Variants in TMEM131 observed in about 807,000 individuals in gnomAD.
The protein encoded by TMEM131 is 2610524E03Rik.
Under a neutral mutation model 211.6 loss-of-function variants are expected in TMEM131, and 66 were observed. That is an observed-to-expected ratio of 0.31 (90% CI 0.26 to 0.38). The LOEUF is 0.38. Among genes scored for constraint, TMEM131 ranks in the 10% least tolerant of loss-of-function variants. The pLI, the probability that TMEM131 is intolerant of heterozygous loss-of-function variation, is 1.00. For synonymous variants in TMEM131, 844 were observed against 841.3 expected (o/e 1.00, Z -0.06); for missense variants, 2,036 against 2,299.3 (o/e 0.89, Z 2.34).
chr2:97,766,283 G>T lies in TMEM131; in HGVS notation c.4574-20C>A. 3.7e-6 allele frequency: 6 copies of T among 1,613,888 alleles called. No individual in the cohort carries two copies. The highest frequency in any genetic ancestry group is 1.1e-5 in the South Asian group (1 of 91,044). On this transcript the variant is annotated intron_variant, in intron 34 of 40. Coordinates refer to ENST00000186436, the MANE Select transcript of TMEM131 (RefSeq NM_015348.2). Reference sequence around the variant, plus strand: ...TTGTACCTGCACAAAAATCAGAAAAGAACATGGTTAATGGAGAATCATTCC... The same window carrying T: ...TTGTACCTGCACAAAAATCAGAAAATAACATGGTTAATGGAGAATCATTCC...
chr2:97,965,384 A>G (rs1207067838), intron 1 of TMEM131, among the ~76,000 whole-genome samples: 1 of 152,166 alleles, frequency 6.6e-6, no homozygotes, highest in Non-Finnish European at 1.5e-5. Flanking sequence ...GGCTGTGAGC[A>G]AGCCTCTGAC....
chr2:97,807,832 C>CAAA (rs1553600116), intron 19 of TMEM131, among the ~76,000 whole-genome samples: 2 of 54,522 alleles, frequency 3.7e-5, no homozygotes, highest in African/African-American at 2.4e-4. Flanking sequence ...GGATAAATAA[C>CAAA]GAAGAGTTTA....
At position 97,833,370 on chromosome 2, in the gene TMEM131, T is replaced by C; in HGVS notation, c.1069A>G (p.Ile357Val). 2 of 1,289,500 alleles carry C rather than the reference T, an allele frequency of 1.6e-6. No individual in the cohort carries two copies. Among genetic ancestry groups the C allele is most frequent in the South Asian group, 1.3e-5 (1 of 74,704 alleles). The allele number at this position is 1,289,500 out of a possible 1,614,324, so 79.9% of individuals were successfully genotyped here. ...LLNSGTKDVP[I>V]TSVRPTPQND... ...AAAAAGAAGTAAAAACTTACTGTTA[T>C]TGGTACATCTTTTGTTCCTGAATTT... The change falls in exon 11 of 41, where the codon ATA becomes GTA. Residue 357 changes from isoleucine (I) to valine (V), a missense_variant. By Grantham distance (29) the Ile-to-Val change is conservative. Coordinates refer to ENST00000186436, the MANE Select transcript of TMEM131 (RefSeq NM_015348.2).
At chr2:97,944,915 C>A (rs1677961468) in intron 1 of TMEM131, among the ~76,000 whole-genome samples, 1 of 152,056 alleles carries the variant, frequency 6.6e-6, no homozygotes, top group Non-Finnish European at 1.5e-5. Flanking sequence ...ATTAAAAAAA[C>A]TAAATATAAA....
intron 4 of TMEM131, among the ~76,000 whole-genome samples, chr2:97,865,511 GT>G (rs1178961485): frequency 1.3e-5 from 2 of 152,076 alleles, no homozygotes; most frequent in African/African-American, 2.4e-5. Flanking sequence ...TATCTCAAAT[GT>G]TTTTTCTGTG....
At chr2:97,904,798 CTTT>C (rs74265071) in intron 3 of TMEM131, among the ~76,000 whole-genome samples, 1 of 138,852 alleles carries the variant, frequency 7.2e-6, no homozygotes, top group Admixed American at 7.2e-5. Context: ...GGCTATAGTT[CTTT>C]TTTTTTTTTT....
intron 1 of TMEM131, among the ~76,000 whole-genome samples, chr2:97,984,389 T>C (rs899810745): frequency 2.6e-5 from 4 of 152,108 alleles, no homozygotes; most frequent in African/African-American, 9.7e-5. Context: ...AACTGATGTC[T>C]CAGTCCATTT....
At chr2:97,988,767 G>A (rs896187442) in intron 1 of TMEM131, among the ~76,000 whole-genome samples, 2 of 152,160 alleles carry the variant, frequency 1.3e-5, no homozygotes, top group Non-Finnish European at 2.9e-5. Flanking sequence ...AAAAACAACT[G>A]TTGGCAAGGG....
chr2:97,949,949 C>G (rs570047878), intron 1 of TMEM131, among the ~76,000 whole-genome samples: 1 of 152,156 alleles, frequency 6.6e-6, no homozygotes, highest in South Asian at 2.1e-4. Context: ...ACATGAAGGC[C>G]TTACTCCAAA....
At chr2:97,760,713 A>G in intron 37 of TMEM131, 24 bp from the exon 38 acceptor site, 1 of 1,614,002 alleles carries the variant, frequency 6.2e-7, no homozygotes. Flanking sequence ...CGTTCAATCA[A>G]TGGAAGGCAC....
In TMEM131 at chr2:97,928,928, A is replaced by G. The variant is rs78379854; in HGVS notation, c.188-1441T>C. ...ATATACATTATTACATACATATAAG[A>G]ATATTTATAGATGTGTATATTCATA... On this transcript the variant is annotated intron_variant, in intron 1 of 40. Coordinates refer to ENST00000186436, the MANE Select transcript of TMEM131 (RefSeq NM_015348.2). 5.9e-3 allele frequency among the ~76,000 whole-genome samples: 892 copies of G among 151,948 alleles called. 31 individuals carry two copies. The East Asian group carries it at 0.093, about 16-fold the overall frequency.
At chr2:97,876,244 C>T (rs538522418) in intron 4 of TMEM131, among the ~76,000 whole-genome samples, 1 of 152,272 alleles carries the variant, frequency 6.6e-6, no homozygotes, top group African/African-American at 2.4e-5. Flanking sequence ...AGTCCAGGAC[C>T]AGACAGATTC....
At chr2:97,763,711 A>G (rs1301391803) in intron 35 of TMEM131, 3 of 152,354 alleles carry the variant, frequency 2.0e-5, no homozygotes. Flanking sequence ...CACTTGGAGC[A>G]GGCTGTGCTC....
At chr2:97,892,530 T>G (rs907396653) in intron 3 of TMEM131, among the ~76,000 whole-genome samples, 3 of 152,088 alleles carry the variant, frequency 2.0e-5, no homozygotes, top group African/African-American at 2.4e-5. Context: ...CTAGCTAATT[T>G]ATTATTATTT....
At chr2:97,875,587 T>G (rs547294479) in intron 4 of TMEM131, among the ~76,000 whole-genome samples, 220 of 152,310 alleles carry the variant, frequency 1.4e-3, no homozygotes, top group African/African-American at 4.7e-3. Context: ...CACAACTACA[T>G]GGAAGTTGAA....
rs373204097 is a variant in TMEM131, at chr2:97,765,872, GA to G, written c.4723+241del. Among the ~76,000 whole-genome samples, 372 of 143,756 alleles carry G rather than the reference GA, an allele frequency of 2.6e-3. 11 individuals carry two copies. The South Asian group carries it at 0.065, about 25-fold the overall frequency. The allele number at this position is 143,756 out of a possible 152,430, so 94.3% of individuals were successfully genotyped here. ...TGGTGTGCTAGTATACCAGCTCCCT[GA>G]AAAAAAAAAAGCCCTGATGTGAATT... On this transcript the variant is annotated intron_variant, in intron 35 of 40. Coordinates refer to ENST00000186436, the MANE Select transcript of TMEM131 (RefSeq NM_015348.2).
intron 1 of TMEM131, among the ~76,000 whole-genome samples, chr2:97,939,932 T>C (rs1208491975): frequency 1.3e-5 from 2 of 152,134 alleles, no homozygotes; most frequent in African/African-American, 4.8e-5. Flanking sequence ...TACATGACTA[T>C]CTCAATAGAT....
rs778329290 is a variant in TMEM131 at position 97,766,182 on chromosome 2, C to G, written c.4655G>C (p.Ser1552Thr). 3.2e-5 allele frequency: 51 copies of G among 1,613,946 alleles called. No individual in the cohort carries two copies. In the East Asian group the frequency reaches 1.1e-3, roughly 35 times the overall value. ...PNSQELGNTS[S>T]SEGEKDSPPP... Reference sequence around the variant, plus strand: ...AGGAGAGTCTTTTTCACCCTCTGAGCTACTGGTGTTGCCTAATTCTTGACT... The same window carrying G: ...AGGAGAGTCTTTTTCACCCTCTGAGGTACTGGTGTTGCCTAATTCTTGACT... Residue 1552 changes from serine to threonine, a missense_variant, in exon 35 of 41, where the codon AGC becomes ACC. By Grantham distance (58) the Ser-to-Thr change is moderately conservative (BLOSUM62 1). Coordinates refer to ENST00000186436, the MANE Select transcript of TMEM131 (RefSeq NM_015348.2).
intron 5 of TMEM131, among the ~76,000 whole-genome samples, chr2:97,853,390 T>A (rs1419718641): frequency 6.9e-6 from 1 of 145,386 alleles, no homozygotes; most frequent in Non-Finnish European, 1.5e-5. Context: ...AAGTCAGGAG[T>A]TCGAGACCAG....
Sources: gnomAD v4.1 joint callset for allele counts (sites outside exome capture counted in the v4.1 genomes callset) on GRCh38, gnomAD v4.1.1 for gene constraint, MANE v1.5 for transcripts, NCBI Gene and HGNC (gene_info 2026-07-23, HGNC 2026-07-21) for gene names.